The following IREB2 variants were observed in gnomAD, a reference collection of about 807,000 sequenced individuals.
IREB2 encodes the protein iron-responsive element-binding protein 2.
In IREB2, 39 loss-of-function variants were observed where a neutral mutation model predicts 118.8. That is an observed-to-expected ratio of 0.33 (90% CI 0.25 to 0.43). The LOEUF (loss-of-function observed/expected upper bound fraction) is 0.43, where lower values mean the gene tolerates loss of function less well. IREB2 is among the 20% of genes least tolerant of loss of function. IREB2 has a pLI of 1.00. For synonymous variants in IREB2, 372 were observed against 392.2 expected (o/e 0.95, Z 0.61); for missense variants, 900 against 1,147.3 (o/e 0.78, Z 3.11).
At chr15:78,481,771 G>A (rs1015758348) in intron 10 of IREB2, 9 of 151,140 alleles carry the variant, frequency 6.0e-5, no homozygotes, top group African/African-American at 1.5e-4. Flanking sequence ...AAATTGCTGG[G>A]ATACAGACAT....
In IREB2 at chr15:78,488,780, C is replaced by G. The variant is rs747247258; in HGVS notation, c.2076+9C>G. 1 of 1,423,416 alleles carries G rather than the reference C, an allele frequency of 7.0e-7. No individual in the cohort carries two copies. The highest frequency in any genetic ancestry group is 1.2e-5 in the South Asian group (1 of 81,950). 88.2% of individuals were successfully genotyped at this position (1,423,416 alleles called of 1,614,324 possible). On this transcript the variant is annotated intron_variant, in intron 16 of 21. Transcript: ENST00000258886. ...TAAAAGATAAAATAGAAGTAAGAGT[C>G]TTATGTGTTTCTTAAATAGTTTAAT...
intron 5 of IREB2, 78 bp from the exon 6 acceptor site, chr15:78,470,454 A>T: frequency 1.2e-6 from 1 of 828,796 alleles, no homozygotes; most frequent in Non-Finnish European, 1.9e-6. Flanking sequence ...TATATGCCTA[A>T]GAACGATGAC....
At chr15:78,480,201 A>G (rs1168168838) in intron 10 of IREB2, 1 of 152,182 alleles carries the variant, frequency 6.6e-6, no homozygotes, top group Non-Finnish European at 1.5e-5. Context: ...ATAGAAATTG[A>G]ATTTGTGTGC....
At chr15:78,478,594 T>TG (rs1405036042) in intron 10 of IREB2, among the ~76,000 whole-genome samples, 197 bp downstream of exon 10, 1 of 152,128 alleles carries the variant, frequency 6.6e-6, no homozygotes, top group African/African-American at 2.4e-5. Context: ...CCCAAGTACC[T>TG]GGGAGGCTGA....
At chr15:78,480,732 G>A (rs1285976648) in intron 10 of IREB2, among the ~76,000 whole-genome samples, 2 of 145,176 alleles carry the variant, frequency 1.4e-5, no homozygotes, top group Admixed American at 7.1e-5. Flanking sequence ...GGTGGCTCAC[G>A]CCTGTAATCC....
intron 13 of IREB2, among the ~76,000 whole-genome samples, chr15:78,487,331 A>G (rs1031886630): frequency 3.9e-5 from 6 of 152,210 alleles, no homozygotes; most frequent in Non-Finnish European, 7.3e-5. Flanking sequence ...ATTTGGGGGA[A>G]TTCTCTTGTA....
chr15:78,465,113 T>C, intron 3 of IREB2, 138 bp from the exon 4 acceptor site: 4 of 681,116 alleles, frequency 5.9e-6, no homozygotes, highest in Non-Finnish European at 9.4e-6. Flanking sequence ...TACTCCTAAC[T>C]TATAAAGTAC....
intron 2 of IREB2, among the ~76,000 whole-genome samples, chr15:78,452,030 G>C (rs963339115): frequency 6.6e-6 from 1 of 152,196 alleles, no homozygotes; most frequent in Admixed American, 6.5e-5. Flanking sequence ...TTTGAGTCCT[G>C]CTAAGGCATC....
intron 2 of IREB2, among the ~76,000 whole-genome samples, chr15:78,458,473 A>G (rs1305071433): frequency 6.6e-6 from 1 of 152,074 alleles, no homozygotes; most frequent in Non-Finnish European, 1.5e-5. Flanking sequence ...TAAGCCTCTC[A>G]TTATGTTGGC....
intron 18 of IREB2, among the ~76,000 whole-genome samples, chr15:78,491,159 G>A (rs2051743710): frequency 1.3e-5 from 2 of 152,018 alleles, no homozygotes; most frequent in Admixed American, 1.3e-4. Context: ...TGTATTTTAT[G>A]GGCTATAACA....
Position 78,498,256 on chromosome 15 carries a change from A to G in IREB2, c.*113A>G. On this transcript the variant is annotated 3_prime_UTR_variant, in exon 22 of 22. Coordinates refer to ENST00000258886, the MANE Select transcript of IREB2 (RefSeq NM_004136.4). ...TAGTCCCAGTATACTCACTTATCTC[A>G]TCCATGGATGTAAATGATGATGAAT... 1.8e-6 allele frequency: 1 copy of G among 566,442 alleles called. No individual in the cohort carries two copies. Among genetic ancestry groups the G allele is most frequent in the Non-Finnish European group, 3.2e-6 (1 of 311,030 alleles). 35.1% of individuals were successfully genotyped at this position (566,442 alleles called of 1,614,324 possible).
chr15:78,481,246 A>G (rs116571853), intron 10 of IREB2, among the ~76,000 whole-genome samples: 2,693 of 152,260 alleles, frequency 0.018, 104 homozygotes, highest in African/African-American at 0.061. Context: ...AGACCCACCC[A>G]TGCTGGAGTG....
chr15:78,441,307 C>A (rs982822637), intron 2 of IREB2, among the ~76,000 whole-genome samples: 20 of 152,134 alleles, frequency 1.3e-4, no homozygotes, highest in Admixed American at 1.3e-3. Flanking sequence ...TGTGTTGATA[C>A]GTTTGTTAAA....
intron 6 of IREB2, among the ~76,000 whole-genome samples, chr15:78,471,475 T>G (rs577836934): frequency 1.3e-5 from 2 of 152,350 alleles, no homozygotes; most frequent in African/African-American, 4.8e-5. Context: ...TTCCTTCTCA[T>G]TCCTGAGAAT....
At chr15:78,438,646 C>G (rs1366118921) in intron 1 of IREB2, 1 of 492,586 alleles carries the variant, frequency 2.0e-6, no homozygotes, top group East Asian at 3.5e-5. Flanking sequence ...CTGCCAGCGG[C>G]TTCCTGGCCC....
Position 78,487,795 on chromosome 15 carries a change from C to A in IREB2, c.1772C>A (p.Ala591Glu). The stretch of plus-strand genomic sequence containing the variant: ...GGAAATACAGCACCCTTATCAGACG[C>A]AGTTTTAAATGCAGTAAAACAGGTA... ...CVGNTAPLSD[A>E]VLNAVKQGDL... Residue 591 changes from alanine (A) to glutamate (E), a missense_variant, in exon 14 of 22, where the codon GCA (alanine) becomes GAA (glutamate). By Grantham distance (107) the Ala-to-Glu change is moderately radical. Transcript: ENST00000258886. 1 of 1,603,520 alleles carries A rather than the reference C, an allele frequency of 6.2e-7. No homozygotes were observed. Among genetic ancestry groups the A allele is most frequent in the Non-Finnish European group, 8.5e-7 (1 of 1,170,750 alleles).
chr15:78,495,588 A>G (rs1238497568), intron 20 of IREB2, among the ~76,000 whole-genome samples: 1 of 152,194 alleles, frequency 6.6e-6, no homozygotes, highest in Admixed American at 6.5e-5. Context: ...GTATGTAGAC[A>G]TCTACTTAGT....
rs2051634564 is a variant in IREB2 at position 78,484,876 on chromosome 15, T to C, written c.1529T>C (p.Ile510Thr). The change falls in exon 12 of 22, where the codon ATC becomes ACC. Residue 510 changes from isoleucine to threonine, a missense_variant. Transcript: ENST00000258886. ...SHGSVVIAAV[I>T]SCTNNCNPSV... is the part of the protein sequence containing the mutation. ...GGATCAGTGGTCATTGCTGCAGTTA[T>C]CAGTTGTACCAATAATTGCAATCCA... is the stretch of plus-strand genomic sequence containing the variant. 7 of 1,614,030 alleles carry C rather than the reference T, an allele frequency of 4.3e-6. No individual in the cohort carries two copies. The highest frequency in any genetic ancestry group is 1.1e-5 in the South Asian group (1 of 91,066).
chr15:78,485,524 A>G (rs1260260884), intron 12 of IREB2, among the ~76,000 whole-genome samples, 181 bp from the exon 13 acceptor site: 1 of 152,260 alleles, frequency 6.6e-6, no homozygotes, highest in East Asian at 1.9e-4. Context: ...TAAAGGCTGT[A>G]ATTTTAAATT....
Sources: gnomAD v4.1 joint callset for allele counts (sites outside exome capture counted in the v4.1 genomes callset) on GRCh38, gnomAD v4.1.1 for gene constraint, MANE v1.5 for transcripts, NCBI Gene and HGNC (gene_info 2026-07-23, HGNC 2026-07-21) for gene names.